The following DYM variants were observed in gnomAD, a reference collection of about 807,000 sequenced individuals.
DYM encodes dyggve-Melchior-Clausen syndrome protein.
DYM carries 78 observed loss-of-function variants against 93.1 expected under a neutral mutation model. The ratio of observed to expected loss-of-function variants is 0.84; its 90% confidence interval spans 0.70 to 1.01. DYM has a LOEUF of 1.01. DYM is among the 50% of genes least tolerant of loss of function. The probability of loss-of-function intolerance (pLI) is 0.00; values close to 1 mark genes in which losing one functional copy is unlikely to be tolerated. For synonymous variants in DYM, 321 were observed against 319.7 expected, an observed-to-expected ratio of 1.00 and a Z score of -0.04; for missense variants, 789 against 845.0, an observed-to-expected ratio of 0.93 and a Z score of 0.82.
chr18:49,157,368 G>A (rs1302951988), intron 15 of DYM, among the ~76,000 whole-genome samples: 1 of 152,158 alleles, frequency 6.6e-6, no homozygotes, highest in Non-Finnish European at 1.5e-5. Context: ...CACATAGGCA[G>A]CATGGCATAA....
intron 3 of DYM, among the ~76,000 whole-genome samples, chr18:49,386,434 G>A (rs1303415021): frequency 2.0e-5 from 3 of 152,150 alleles, no homozygotes; most frequent in African/African-American, 4.8e-5. Flanking sequence ...TTAATAGCAT[G>A]TCCCCTTGAT....
intron 17 of DYM, among the ~76,000 whole-genome samples, chr18:49,091,930 A>C (rs1335479037): frequency 2.6e-5 from 4 of 151,948 alleles, no homozygotes; most frequent in Non-Finnish European, 5.9e-5. Context: ...ATTATTTTTA[A>C]AACTCTCTGA....
intron 1 of DYM, among the ~76,000 whole-genome samples, chr18:49,445,457 G>A (rs2082016344): frequency 6.6e-6 from 1 of 151,944 alleles, no homozygotes; most frequent in African/African-American, 2.4e-5. Context: ...AAGGACACCT[G>A]AAATTTAAAA....
intron 16 of DYM, among the ~76,000 whole-genome samples, chr18:49,113,600 G>A (rs756188111): frequency 1.3e-5 from 2 of 152,040 alleles, no homozygotes; most frequent in African/African-American, 4.8e-5. Context: ...CAGTAGATTC[G>A]TCTCCTCCAC....
chr18:49,325,704 C>T (rs2062830019), intron 8 of DYM, among the ~76,000 whole-genome samples: 1 of 152,124 alleles, frequency 6.6e-6, no homozygotes, highest in African/African-American at 2.4e-5. Context: ...GATATTAGCA[C>T]CAAAAGAGTT....
At chr18:49,410,665 T>C (rs1182204373) in intron 2 of DYM, among the ~76,000 whole-genome samples, 1 of 149,592 alleles carries the variant, frequency 6.7e-6, no homozygotes, top group Non-Finnish European at 1.5e-5. Flanking sequence ...AAAAAAAAAT[T>C]AGCTGGGCAT....
At chr18:49,049,415 C>T (rs2072088217) in intron 17 of DYM, among the ~76,000 whole-genome samples, 1 of 152,190 alleles carries the variant, frequency 6.6e-6, no homozygotes, top group African/African-American at 2.4e-5. Context: ...TCCCAGCCTT[C>T]AAGAGCTAAA....
chr18:49,318,800 T>TC (rs1235165695), intron 8 of DYM, among the ~76,000 whole-genome samples: 1 of 116,286 alleles, frequency 8.6e-6, no homozygotes, highest in African/African-American at 3.7e-5. Context: ...TCTTTTTCTT[T>TC]TTTTTTTTTT....
intron 8 of DYM, among the ~76,000 whole-genome samples, chr18:49,321,758 G>C (rs1350704468): frequency 6.6e-6 from 1 of 151,766 alleles, no homozygotes; most frequent in African/African-American, 2.4e-5. Flanking sequence ...CTGAAAAGGG[G>C]GGGAAAAAAG....
At chr18:49,438,307 T>C (rs150967161) in intron 1 of DYM, among the ~76,000 whole-genome samples, 1,688 of 152,190 alleles carry the variant, frequency 0.011, 30 homozygotes, top group African/African-American at 0.039. Context: ...AGACAGCCAA[T>C]TGAGTAAAGA....
chr18:49,324,679 G>A (rs961474698), intron 8 of DYM, among the ~76,000 whole-genome samples: 4 of 152,054 alleles, frequency 2.6e-5, no homozygotes, highest in African/African-American at 9.7e-5. Context: ...TTTTTAAATT[G>A]TCTTATATAA....
intron 15 of DYM, among the ~76,000 whole-genome samples, chr18:49,122,383 A>AT (rs139350796): frequency 0.057 from 8,719 of 152,264 alleles, 329 homozygotes; most frequent in Middle Eastern, 0.12. Context: ...ATACAGAGAA[A>AT]TACACTGTTA....
At chr18:49,445,966 C>A (rs566261871) in intron 1 of DYM, among the ~76,000 whole-genome samples, 1 of 151,998 alleles carries the variant, frequency 6.6e-6, no homozygotes, top group East Asian at 1.9e-4. Flanking sequence ...TTCTTATATA[C>A]CTATACTGGA....
intron 3 of DYM, among the ~76,000 whole-genome samples, chr18:49,381,805 T>G (rs910328554): frequency 6.6e-6 from 1 of 152,028 alleles, no homozygotes; most frequent in Non-Finnish European, 1.5e-5. Flanking sequence ...TGTGATCAGA[T>G]AGTAGATAAT....
chr18:49,061,202 G>A (rs776477047), intron 17 of DYM, among the ~76,000 whole-genome samples: 2 of 152,102 alleles, frequency 1.3e-5, no homozygotes, highest in South Asian at 2.1e-4. Context: ...GCAAATAAGT[G>A]TAATCTGTGG....
chr18:49,191,672 A>G (rs1392171350), intron 14 of DYM, among the ~76,000 whole-genome samples: 1 of 152,222 alleles, frequency 6.6e-6, no homozygotes, highest in Non-Finnish European at 1.5e-5. Flanking sequence ...AGTTTTATAA[A>G]TTATCTCCTA....
chr18:49,302,851 T>C (rs1002370965), intron 8 of DYM, among the ~76,000 whole-genome samples: 16 of 152,206 alleles, frequency 1.1e-4, no homozygotes, highest in Non-Finnish European at 1.8e-4. Context: ...CACCAGGCCA[T>C]GCCTCTCCTA....
chr18:49,217,487 T>C (rs888694337), intron 13 of DYM, among the ~76,000 whole-genome samples: 1 of 152,062 alleles, frequency 6.6e-6, no homozygotes, highest in Non-Finnish European at 1.5e-5. Context: ...GGAAAAAATG[T>C]TAAGGGCAGC....
At chr18:49,321,666 A>G (rs919230073) in intron 8 of DYM, among the ~76,000 whole-genome samples, 2 of 152,156 alleles carry the variant, frequency 1.3e-5, no homozygotes, top group African/African-American at 4.8e-5. Flanking sequence ...CAAATCATCA[A>G]TGTATCCCTG....
Sources: gnomAD v4.1 joint callset for allele counts (sites outside exome capture counted in the v4.1 genomes callset) on GRCh38, gnomAD v4.1.1 for gene constraint, MANE v1.5 for transcripts, NCBI Gene and HGNC (gene_info 2026-07-23, HGNC 2026-07-21) for gene names.